GRIK1: variants seen among roughly 807,000 people sequenced by gnomAD.
GRIK1 encodes glutamate receptor ionotropic, kainate 1.
GRIK1 carries 69 observed loss-of-function variants against 105.7 expected under a neutral mutation model. That is an observed-to-expected ratio of 0.65 (90% CI 0.54 to 0.80). The LOEUF is 0.80. Ranked by LOEUF, GRIK1 falls within the 30% of genes least tolerant of loss-of-function variation. The probability of loss-of-function intolerance (pLI) is 0.00; values close to 1 mark genes in which losing one functional copy is unlikely to be tolerated. For synonymous variants in GRIK1, 438 were observed against 431.3 expected (o/e 1.02, Z -0.19); for missense variants, 1,109 against 1,167.3 (o/e 0.95, Z 0.73).
At chr21:29,601,175 T>C (rs990009243) in intron 7 of GRIK1, 4 of 495,368 alleles carry the variant, frequency 8.1e-6, no homozygotes, top group African/African-American at 7.7e-5. Context: ...ATGTAGAGCC[T>C]GAAAAGAACA....
chr21:29,732,895 G>A (rs951489442), intron 1 of GRIK1, among the ~76,000 whole-genome samples: 1 of 152,252 alleles, frequency 6.6e-6, no homozygotes, highest in East Asian at 1.9e-4. Context: ...AATATCTGTG[G>A]TTAATTTTCA....
chr21:29,704,980 T>C (rs369771775), intron 1 of GRIK1, among the ~76,000 whole-genome samples: 5 of 152,254 alleles, frequency 3.3e-5, no homozygotes, highest in South Asian at 2.1e-4. Flanking sequence ...TTTTAACATC[T>C]CATTTAAATG....
chr21:29,761,894 C>A (rs2065534306), intron 1 of GRIK1, among the ~76,000 whole-genome samples: 1 of 151,986 alleles, frequency 6.6e-6, no homozygotes, highest in African/African-American at 2.4e-5. Flanking sequence ...TTACAGGTGC[C>A]CACTACCATG....
intron 1 of GRIK1, among the ~76,000 whole-genome samples, chr21:29,759,590 C>A (rs1476454696): frequency 6.6e-6 from 1 of 152,122 alleles, no homozygotes; most frequent in East Asian, 1.9e-4. Context: ...TTGACAGATG[C>A]ATAGACATGA....
intron 7 of GRIK1, among the ~76,000 whole-genome samples, chr21:29,600,753 T>C (rs1456596398): frequency 6.6e-6 from 1 of 152,204 alleles, no homozygotes; most frequent in Non-Finnish European, 1.5e-5. Context: ...ATTTTTAACA[T>C]TTATTGTTTT....
intron 16 of GRIK1, among the ~76,000 whole-genome samples, chr21:29,541,170 G>A (rs140219021): frequency 0.011 from 1,718 of 152,272 alleles, 32 homozygotes; most frequent in African/African-American, 0.039. Flanking sequence ...GTTTCACCAC[G>A]TTGGCCGGGA....
chr21:29,798,566 T>C (rs145433334), intron 1 of GRIK1, among the ~76,000 whole-genome samples: 12 of 152,256 alleles, frequency 7.9e-5, no homozygotes, highest in East Asian at 7.7e-4. Flanking sequence ...TCACATTAAA[T>C]TGAAGAAAGA....
intron 7 of GRIK1, among the ~76,000 whole-genome samples, chr21:29,612,190 A>G (rs1033638956): frequency 3.3e-5 from 5 of 152,200 alleles, no homozygotes; most frequent in African/African-American, 1.2e-4. Flanking sequence ...TTTAGAGTAA[A>G]AGGGATTTCT....
intron 1 of GRIK1, among the ~76,000 whole-genome samples, chr21:29,750,697 A>G (rs1601598240): frequency 6.6e-6 from 1 of 152,288 alleles, no homozygotes; most frequent in East Asian, 1.9e-4. Context: ...AAATTTGGAG[A>G]CCGTTGAAGA....
chr21:29,710,431 A>T (rs2064016517), intron 1 of GRIK1, among the ~76,000 whole-genome samples: 1 of 150,254 alleles, frequency 6.7e-6, no homozygotes, highest in African/African-American at 2.5e-5. Flanking sequence ...AAAGTGTAGA[A>T]ATTCCATTCA....
chr21:29,643,364 A>G (rs1485482682), intron 6 of GRIK1, among the ~76,000 whole-genome samples: 1 of 152,248 alleles, frequency 6.6e-6, no homozygotes, highest in Non-Finnish European at 1.5e-5. Flanking sequence ...ATTTGTCTAT[A>G]TCTATTTATC....
intron 12 of GRIK1, among the ~76,000 whole-genome samples, chr21:29,584,520 A>G (rs1187461765): frequency 6.6e-6 from 1 of 152,236 alleles, no homozygotes; most frequent in Non-Finnish European, 1.5e-5. Flanking sequence ...ATTAAAAGTC[A>G]TAGTAATTAA....
intron 1 of GRIK1, among the ~76,000 whole-genome samples, chr21:29,815,638 T>A (rs1224325531): frequency 1.3e-5 from 2 of 152,108 alleles, no homozygotes; most frequent in East Asian, 3.8e-4. Flanking sequence ...TTAAAAGAGC[T>A]CATATAAAAA....
intron 1 of GRIK1, among the ~76,000 whole-genome samples, chr21:29,913,253 C>T (rs2070879852): frequency 6.6e-6 from 1 of 152,056 alleles, no homozygotes. Flanking sequence ...AAGTTTTCAT[C>T]ACCTCATCTA....
At chr21:29,609,351 CA>C (rs767804294) in intron 7 of GRIK1, among the ~76,000 whole-genome samples, 2 of 152,060 alleles carry the variant, frequency 1.3e-5, no homozygotes, top group Non-Finnish European at 2.9e-5. Flanking sequence ...TGTATAAAAT[CA>C]ATACAAATTT....
chr21:29,757,054 T>TTGCAGTGAG (rs2065364925), intron 1 of GRIK1, among the ~76,000 whole-genome samples: 1 of 151,870 alleles, frequency 6.6e-6, no homozygotes, highest in Non-Finnish European at 1.5e-5. Flanking sequence ...GAGGCAGAGG[T>TTGCAGTGAG]TGCAGTGAGC....
chr21:29,769,769 C>G (rs544472157), intron 1 of GRIK1, among the ~76,000 whole-genome samples: 2 of 152,006 alleles, frequency 1.3e-5, no homozygotes, highest in Non-Finnish European at 1.5e-5. Flanking sequence ...GGAGGGAGAC[C>G]GGGGACAGAT....
chr21:29,717,527 G>A (rs1447454012), intron 1 of GRIK1, among the ~76,000 whole-genome samples: 3 of 152,242 alleles, frequency 2.0e-5, no homozygotes, highest in Non-Finnish European at 4.4e-5. Context: ...GATCATTTTG[G>A]AACTTTTAGG....
chr21:29,896,540 A>G (rs983711464), intron 1 of GRIK1, among the ~76,000 whole-genome samples: 1 of 152,240 alleles, frequency 6.6e-6, no homozygotes, highest in African/African-American at 2.4e-5. Context: ...TGTATTTTGA[A>G]TGAATGAATT....
Sources: gnomAD v4.1 joint callset for allele counts (sites outside exome capture counted in the v4.1 genomes callset) on GRCh38, gnomAD v4.1.1 for gene constraint, MANE v1.5 for transcripts, NCBI Gene and HGNC (gene_info 2026-07-23, HGNC 2026-07-21) for gene names.